CSDE1: variants seen among roughly 807,000 people sequenced by gnomAD.
The protein encoded by CSDE1 is cold shock domain containing E1, also known as cold shock domain-containing protein E1.
A neutral mutation model predicts 89.3 loss-of-function variants in CSDE1; 17 were observed. That is an observed-to-expected ratio of 0.19 (90% CI 0.13 to 0.29). The LOEUF (loss-of-function observed/expected upper bound fraction) is 0.29, where lower values mean the gene tolerates loss of function less well. Among genes scored for constraint, CSDE1 ranks in the 10% least tolerant of loss-of-function variants. The probability of loss-of-function intolerance (pLI) is 1.00; values close to 1 mark genes in which losing one functional copy is unlikely to be tolerated. For synonymous variants in CSDE1, 322 were observed against 332.8 expected (o/e 0.97, Z 0.35); for missense variants, 672 against 984.2 (o/e 0.68, Z 4.24).
chr1:114,727,680 A>G (rs1466940685), intron 12 of CSDE1: 3 of 152,210 alleles, frequency 2.0e-5, no homozygotes, highest in African/African-American at 7.2e-5. Flanking sequence ...CATTTCAGTC[A>G]TCGTACGTGT....
intron 3 of CSDE1, among the ~76,000 whole-genome samples, chr1:114,738,395 C>T (rs1660524620): frequency 6.6e-6 from 1 of 152,116 alleles, no homozygotes; most frequent in Non-Finnish European, 1.5e-5. Flanking sequence ...GTTTTTATGG[C>T]ATTTACACAT....
rs1381098168 is a variant in CSDE1, at chr1:114,719,473, T to A, written c.2216+106A>T. ...AGAAGTAGGAAGTATCAAGAAATAA[T>A]AAGTGGCAGAAGACAAGGCACAGAA... On this transcript the variant is annotated intron_variant, in intron 18 of 19. Coordinates refer to ENST00000358528, the MANE Select transcript of CSDE1 (RefSeq NM_001007553.3). 2.7e-6 allele frequency: 3 copies of A among 1,114,110 alleles called. No individual in the cohort carries two copies. In the East Asian group the frequency reaches 7.6e-5, roughly 28 times the overall value. The allele number at this position is 1,114,110 out of a possible 1,614,324, so 69.0% of individuals were successfully genotyped here.
chr1:114,732,472 T>C, intron 10 of CSDE1, 132 bp downstream of exon 10: 2 of 765,518 alleles, frequency 2.6e-6, no homozygotes, highest in East Asian at 2.7e-5. Flanking sequence ...GTATGATTCT[T>C]AATCACCTTA....
chr1:114,725,642 A>AT (rs11365816), intron 14 of CSDE1, among the ~76,000 whole-genome samples: 16 of 150,360 alleles, frequency 1.1e-4, no homozygotes, highest in East Asian at 3.9e-4. Flanking sequence ...CTTACTTTCT[A>AT]TTTTTTTTTT....
intron 14 of CSDE1, 139 bp downstream of exon 14, chr1:114,726,072 G>C (rs1473959452): frequency 6.7e-6 from 6 of 894,994 alleles, no homozygotes; most frequent in Non-Finnish European, 1.0e-5. Flanking sequence ...ATTAACTTCA[G>C]TTTATATCTT....
chr1:114,719,515 CAG>C (rs770996977), intron 18 of CSDE1, 62 bp downstream of exon 18: 170 of 1,479,218 alleles, frequency 1.1e-4, no homozygotes, highest in Non-Finnish European at 1.5e-4. Flanking sequence ...TGTGACAAAA[CAG>C]AGACTATAAA....
intron 1 of CSDE1, among the ~76,000 whole-genome samples, chr1:114,754,945 A>G (rs987927498): frequency 1.3e-5 from 2 of 152,238 alleles, no homozygotes; most frequent in Admixed American, 6.5e-5. Flanking sequence ...CACATCAGAA[A>G]ACACCACAGA....
rs764571915 is a variant in CSDE1 at position 114,734,152 on chromosome 1, C to T, written c.583-35G>A. ...AATAAAAAACCAAGAACATTATTAC[C>T]ACTCTGTACAAATTTATGATTACAA... On this transcript the variant is annotated intron_variant, in intron 7 of 19. Coordinates refer to ENST00000358528, the MANE Select transcript of CSDE1 (RefSeq NM_001007553.3). The T allele has an allele frequency of 5.7e-6, 9 of 1,588,660 alleles. No individual in the cohort carries two copies. The South Asian group carries it at 1.0e-4, about 18-fold the overall frequency.
intron 2 of CSDE1, among the ~76,000 whole-genome samples, chr1:114,749,299 CAT>C (rs1661179435): frequency 6.2e-5 from 1 of 16,154 alleles, no homozygotes; most frequent in Non-Finnish European, 9.0e-5. Context: ...GTATCTTATT[CAT>C]TCGTTATATT....
chr1:114,741,686 A>C (rs775415929), intron 2 of CSDE1: 4 of 1,512,430 alleles, frequency 2.6e-6, no homozygotes, highest in Non-Finnish European at 3.6e-6. Context: ...GTTATAACAT[A>C]GCATAATGTT....
intron 15 of CSDE1, chr1:114,724,316 TAAG>T (rs970606819): frequency 1.8e-5 from 4 of 224,042 alleles, no homozygotes; most frequent in Non-Finnish European, 3.6e-5. Flanking sequence ...TGTCATTTTT[TAAG>T]AAGCCTTTCC....
At chr1:114,718,833 C>T in intron 18 of CSDE1, 88 bp from the exon 19 acceptor site, 1 of 1,428,184 alleles carries the variant, frequency 7.0e-7, no homozygotes, top group Non-Finnish European at 9.6e-7. Flanking sequence ...CACCTAACTG[C>T]CCAAATGACT....
rs372611240 is a variant in CSDE1 at position 114,720,536 on chromosome 1, T to A, written c.2052+3A>T. Reference sequence around the variant, plus strand: ...ATTCAGATACAGAGATGCTGGCACTTACCTGATCTTTCACACATTCCACTG... The same window carrying A: ...ATTCAGATACAGAGATGCTGGCACTAACCTGATCTTTCACACATTCCACTG... On this transcript the variant is annotated splice_donor_region_variant and intron_variant, in intron 17 of 19. Transcript: ENST00000358528. 1.4e-5 allele frequency: 23 copies of A among 1,608,494 alleles called. No individual in the cohort carries two copies. The highest frequency in any genetic ancestry group is 2.7e-5 in the African/African-American group (2 of 74,780).
chr1:114,753,223 T>C (rs1570962610), intron 1 of CSDE1, among the ~76,000 whole-genome samples: 1 of 152,162 alleles, frequency 6.6e-6, no homozygotes, highest in African/African-American at 2.4e-5. Context: ...CCATTCCAGG[T>C]TGTCGTATCA....
Position 114,725,296 on chromosome 1 carries a change from C to A in CSDE1, c.1678G>T (p.Asp560Tyr). 1 of 1,614,084 alleles carries A rather than the reference C, an allele frequency of 6.2e-7. No individual in the cohort carries two copies. The highest frequency in any genetic ancestry group is 8.5e-7 in the Non-Finnish European group (1 of 1,179,974). The part of the protein sequence containing the change: ...SGDVDSLELG[D>Y]MVEYSLSKGK... ...TTGGACAAGCTATACTCGACCATGT[C>A]CCCCAGTTCCAGGCTATCAACATCA... The change falls in exon 15 of 20, where the codon GAC (aspartate) becomes TAC (tyrosine). Residue 560 changes from aspartate to tyrosine, a missense_variant. Transcript: ENST00000358528.
At position 114,739,866 on chromosome 1, in the gene CSDE1, G is replaced by A; in HGVS notation, c.25C>T (p.His9Tyr). 6.2e-7 allele frequency: 1 copy of A among 1,613,880 alleles called. No homozygotes were observed. Among genetic ancestry groups the A allele is most frequent in the Non-Finnish European group, 8.5e-7 (1 of 1,179,868 alleles). The change falls in exon 3 of 20, where the codon CAC becomes TAC. Residue 9 changes from histidine (H) to tyrosine (Y), a missense_variant. Transcript: ENST00000358528. Reference sequence around the variant, plus strand: ...GGGTACCCATTATGTCCATTGTTGTGGAGAAGGTTTGGATCAAAGCTCATC... The same window carrying A: ...GGGTACCCATTATGTCCATTGTTGTAGAGAAGGTTTGGATCAAAGCTCATC... MSFDPNLL[H>Y]NNGHNGYPNG...
At chr1:114,726,186 A>G (rs757555577) in intron 14 of CSDE1, 25 bp downstream of exon 14, 4 of 1,571,518 alleles carry the variant, frequency 2.5e-6, no homozygotes, top group South Asian at 1.2e-5. Flanking sequence ...AGTTAGCTGT[A>G]AAGTTCCTGA....
rs935620617 is a variant in CSDE1 at position 114,730,579 on chromosome 1, A to C, written c.1120T>G (p.Phe374Val). The C allele has an allele frequency of 6.2e-7, 1 of 1,613,898 alleles. No individual in the cohort carries two copies. The highest frequency in any genetic ancestry group is 8.5e-7 in the Non-Finnish European group (1 of 1,179,974). The stretch of plus-strand genomic sequence containing the variant: ...CCATCCAGAATTTCACTGAAGTGGA[A>C]GAACATACGAACATCACGATCCACA... ...KCVDRDVRMF[F>V]HFSEILDGNQ... The change falls in exon 11 of 20, where the codon TTC becomes GTC. Residue 374 changes from phenylalanine (F) to valine (V), a missense_variant. This residue lies in a region of CSDE1 where 169 missense variants were observed against 262.9 expected (regional missense o/e 0.64). Transcript: ENST00000358528.
chr1:114,754,099 C>T (rs1322524170), intron 1 of CSDE1, among the ~76,000 whole-genome samples: 1 of 152,220 alleles, frequency 6.6e-6, no homozygotes, highest in Non-Finnish European at 1.5e-5. Context: ...AGCGATTCTC[C>T]TGCCTCAGCC....
Sources: allele counts gnomAD v4.1 joint callset (sites outside exome capture counted in the v4.1 genomes callset), GRCh38; gene constraint gnomAD v4.1.1; regional missense constraint gnomAD v4.1.1; transcripts MANE v1.5; gene names NCBI Gene and HGNC (gene_info 2026-07-23, HGNC 2026-07-21).